Variants in ZFP37 observed in about 807,000 individuals in gnomAD.
ZFP37 encodes the protein zinc finger protein 37 homolog.
A neutral mutation model predicts 52.1 loss-of-function variants in ZFP37; 38 were observed. The ratio of observed to expected loss-of-function variants is 0.73; its 90% CI spans 0.56 to 0.96. The LOEUF (loss-of-function observed/expected upper bound fraction) is 0.96, where lower values mean the gene tolerates loss of function less well. ZFP37 is among the 40% of genes least tolerant of loss of function. The pLI is 0.00. For missense variants in ZFP37, 695 were observed against 741.4 expected (o/e 0.94, Z 0.73); for synonymous variants, 253 against 259.5 (o/e 0.98, Z 0.24).
At position 113,043,266 on chromosome 9, in the gene ZFP37, T is replaced by C; in HGVS notation, c.1352A>G (p.His451Arg). The C allele has an allele frequency of 6.2e-7, 1 of 1,613,978 alleles. No individual in the cohort carries two copies. The highest frequency in any genetic ancestry group is 8.5e-7 in the Non-Finnish European group (1 of 1,179,956). Residue 451 changes from histidine to arginine, a missense_variant, in exon 4 of 4, where the codon CAC becomes CGC. Physicochemically the swap from His to Arg is conservative, Grantham distance 29 (BLOSUM62 0). Around this residue, in one of 2 missense-constraint regions of ZFP37, gnomAD observed 326 missense variants for 400.5 expected, o/e 0.81. Transcript: ENST00000374227. ...TTTCTCACCTGTATGAATTCTCATG[T>C]GTTTAGTAAGGGATGAGCTATACTT... Reference protein sequence around the residue: ...AFKYSSSLTKHMRIHTGEKPF... With the variant: ...AFKYSSSLTKRMRIHTGEKPF...
chr9:113,052,333 T>C lies in ZFP37; in HGVS notation c.133-2461A>G, dbSNP rs566173629. Among the ~76,000 whole-genome samples the C allele has an allele frequency of 2.6e-5, 4 of 152,196 alleles. No individual in the cohort carries two copies. Among genetic ancestry groups the C allele is most frequent in the Non-Finnish European group, 5.9e-5 (4 of 68,028 alleles). ...TCTAAAGATGAGGTAAATGATTACT[T>C]TCAACAATTTCTCATTCTTCCTTCA... On this transcript the variant is annotated intron_variant, in intron 1 of 3. Coordinates refer to ENST00000374227, the MANE Select transcript of ZFP37 (RefSeq NM_003408.3). This position sits in a 1 kb window ranked among gnomAD's most constrained non-coding sequence, Gnocchi z 4.1.
At position 113,052,217 on chromosome 9, in the gene ZFP37, A is replaced by G. The variant is rs1168671307; in HGVS notation, c.133-2345T>C. Among the ~76,000 whole-genome samples, 1 of 152,160 alleles carries G rather than the reference A, an allele frequency of 6.6e-6. No individual in the cohort carries two copies. The highest frequency in any genetic ancestry group is 2.4e-5 in the African/African-American group (1 of 41,442). On this transcript the variant is annotated intron_variant, in intron 1 of 3. Transcript: ENST00000374227. This position sits in a 1 kb window ranked among gnomAD's most constrained non-coding sequence, Gnocchi z 4.1. The stretch of plus-strand genomic sequence containing the variant: ...TCACCTGAAATCTACCTGTCTCCTG[A>G]GGATCCTGCTTCCTTATAGGAGCCT...
intron 3 of ZFP37, among the ~76,000 whole-genome samples, chr9:113,044,575 T>G (rs1210344451): frequency 2.0e-5 from 3 of 152,044 alleles, no homozygotes; most frequent in Non-Finnish European, 2.9e-5. Context: ...TAAAAGAGCT[T>G]ATGATTGTAG....
intron 1 of ZFP37, among the ~76,000 whole-genome samples, chr9:113,055,156 C>T (rs1300914226): frequency 6.6e-6 from 1 of 152,156 alleles, no homozygotes; most frequent in Non-Finnish European, 1.5e-5. Flanking sequence ...TACTCCTACC[C>T]CAGGTCCTTT....
chr9:113,038,482 G>T lies in ZFP37; in HGVS notation c.*4243C>A, dbSNP rs759151458. 1.3e-5 allele frequency: 2 copies of T among 151,910 alleles called. No homozygotes were observed. The highest frequency in any genetic ancestry group is 2.9e-5 in the Non-Finnish European group (2 of 67,972). 9.4% of individuals were successfully genotyped at this position (151,910 alleles called of 1,614,324 possible). On this transcript the variant is annotated 3_prime_UTR_variant, in exon 4 of 4. Coordinates refer to ENST00000374227, the MANE Select transcript of ZFP37 (RefSeq NM_003408.3). ...TCTCTTTATTTCCTTTACTATGAAG[G>T]TTAAGAAATTAAAGATTTGGCCAAA...
rs1829024395 is a variant in ZFP37, at chr9:113,049,816, C to T, written c.189G>A (p.Glu63=). Residue 63 remains glutamate, a synonymous_variant, in exon 2 of 4, where the codon GAG becomes GAA. Transcript: ENST00000374227. ...QSNLYNDVML[E]NYCNQASMGC... is the part of the protein sequence containing the mutation. ...CCATTGAGGCTTGGTTGCAGTAGTT[C>T]TCCAGCATCACATCATTATACAGGT... 6.2e-7 allele frequency: 1 copy of T among 1,613,908 alleles called. No individual in the cohort carries two copies. Among genetic ancestry groups the T allele is most frequent in the African/African-American group, 1.3e-5 (1 of 74,926 alleles).
chr9:113,049,772 A>C lies in ZFP37; in HGVS notation c.214+19T>G. 6.2e-7 allele frequency: 1 copy of C among 1,610,436 alleles called. No homozygotes were observed. Among genetic ancestry groups the C allele is most frequent in the Non-Finnish European group, 8.5e-7 (1 of 1,178,446 alleles). On this transcript the variant is annotated intron_variant, in intron 2 of 3. Coordinates refer to ENST00000374227, the MANE Select transcript of ZFP37 (RefSeq NM_003408.3). ...TATCACAGTGGACACATTTTGAATTACAAAGGAATTGTTCTTACCCATTGA... is the reference window on the plus strand; with the variant it reads ...TATCACAGTGGACACATTTTGAATTCCAAAGGAATTGTTCTTACCCATTGA...
chr9:113,044,676 C>T (rs1828921178), intron 3 of ZFP37, among the ~76,000 whole-genome samples: 1 of 152,064 alleles, frequency 6.6e-6, no homozygotes, highest in Non-Finnish European at 1.5e-5. Flanking sequence ...GCAGCCTATA[C>T]TATATTACCC....
intron 3 of ZFP37, among the ~76,000 whole-genome samples, chr9:113,046,158 A>C (rs1390441250): frequency 6.7e-6 from 1 of 150,046 alleles, no homozygotes; most frequent in Non-Finnish European, 1.5e-5. Flanking sequence ...ATATAGACAG[A>C]TATATATCTA....
In ZFP37 at chr9:113,049,438, C is replaced by T. The variant is rs149489774; in HGVS notation, c.273G>A (p.Trp91Ter). The T allele has an allele frequency of 1.9e-6, 3 of 1,614,108 alleles. No individual in the cohort carries two copies. Among genetic ancestry groups the T allele is most frequent in the Non-Finnish European group, 8.5e-7 (1 of 1,179,988 alleles). Residue 91 changes from tryptophan (W) to a stop codon, truncating the protein, a stop_gained, in exon 3 of 4, where the codon TGG becomes TGA. Transcript: ENST00000374227. LOFTEE classifies it high-confidence loss of function. ...ISKLEKGEAP[W>*]LGKGKRPSQG... ...GACTGGGTCTTTTCCCCTTCCCCAA[C>T]CATGGTGCTTCTCCTTTTTCCAACT...
chr9:113,056,504 G>GC, intron 1 of ZFP37, 53 bp downstream of exon 1: 1 of 1,599,226 alleles, frequency 6.3e-7, no homozygotes, highest in Non-Finnish European at 8.5e-7. Flanking sequence ...TCACTGCCCC[G>GC]CAAGTACACC....
Position 113,044,032 on chromosome 9 carries a change from T to A in ZFP37, c.586A>T (p.Asn196Tyr), listed in dbSNP as rs140404965. 236 of 1,613,668 alleles carry A rather than the reference T, an allele frequency of 1.5e-4. No homozygotes were observed. The East Asian group carries it at 4.2e-3, about 29-fold the overall frequency. Residue 196 changes from asparagine (N) to tyrosine (Y), a missense_variant, in exon 4 of 4, where the codon AAC becomes TAC. Around this residue, in one of 2 missense-constraint regions of ZFP37, gnomAD observed 369 missense variants for 340.9 expected, o/e 1.08. Transcript: ENST00000374227. ...QNLDLPDHSR[N>Y]CVKRKSDAAK... ...GCATCAGATTTCCTTTTTACACAGTTTCTTGAGTGATCAGGTAAATCTAAA... is the reference window on the plus strand; with the variant it reads ...GCATCAGATTTCCTTTTTACACAGTATCTTGAGTGATCAGGTAAATCTAAA...
At chr9:113,051,199 T>TGTTA (rs755122242) in intron 1 of ZFP37, among the ~76,000 whole-genome samples, 28 of 152,262 alleles carry the variant, frequency 1.8e-4, no homozygotes, top group Non-Finnish European at 3.8e-4. Flanking sequence ...GATAATGTGC[T>TGTTA]TGTACAACTG....
At chr9:113,047,278 AG>A (rs1167882407) in intron 3 of ZFP37, among the ~76,000 whole-genome samples, 2 of 152,220 alleles carry the variant, frequency 1.3e-5, no homozygotes, top group Admixed American at 6.5e-5. Context: ...AACTCCATTG[AG>A]TCTCTTCATT....
At position 113,043,584 on chromosome 9, in the gene ZFP37, C is replaced by A. The variant is rs768318480; in HGVS notation, c.1034G>T (p.Gly345Val). The A allele has an allele frequency of 4.3e-6, 7 of 1,613,986 alleles. No individual in the cohort carries two copies. In the Admixed American group the frequency reaches 1.2e-4, roughly 27 times the overall value. ...HLVVHQRTHT[G>V]EKPYECIQCG... ...CTGAATACATTCATATGGTTTTTCT[C>A]CGGTGTGAGTTCTCTGATGTACAAC... The change falls in exon 4 of 4, where the codon GGA (glycine) becomes GTA (valine). Residue 345 changes from glycine to valine, a missense_variant. By Grantham distance (109) the Gly-to-Val change is moderately radical. Transcript: ENST00000374227.
chr9:113,048,052 T>C (rs745665852), intron 3 of ZFP37, among the ~76,000 whole-genome samples: 1 of 152,094 alleles, frequency 6.6e-6, no homozygotes, highest in Non-Finnish European at 1.5e-5. Context: ...AGTAAGTAAA[T>C]GATAAAGAAG....
In ZFP37 at chr9:113,040,913, C is replaced by T. The variant is rs1258053433; in HGVS notation, c.*1812G>A. On this transcript the variant is annotated 3_prime_UTR_variant, in exon 4 of 4. Coordinates refer to ENST00000374227, the MANE Select transcript of ZFP37 (RefSeq NM_003408.3). ...ACTTATGTCTCTGCTTTTAGTGTAA[C>T]AACTTAGATTTCAAAATAGTTCAGA... The T allele has an allele frequency of 6.6e-6, 1 of 152,084 alleles. No individual in the cohort carries two copies. The highest frequency in any genetic ancestry group is 1.5e-5 in the Non-Finnish European group (1 of 68,016). 9.4% of individuals were successfully genotyped at this position (152,084 alleles called of 1,614,324 possible).
chr9:113,040,069 T>C lies in ZFP37; in HGVS notation c.*2656A>G, dbSNP rs1828822680. On this transcript the variant is annotated 3_prime_UTR_variant, in exon 4 of 4. Coordinates refer to ENST00000374227, the MANE Select transcript of ZFP37 (RefSeq NM_003408.3). ...ATGCACACTAGAGTTTACGTATCGA[T>C]TCAGACTTACCACTGTGTGTCTGTT... The C allele has an allele frequency of 6.6e-6, 1 of 152,236 alleles. No homozygotes were observed. The highest frequency in any genetic ancestry group is 1.5e-5 in the Non-Finnish European group (1 of 68,034). The allele number at this position is 152,236 out of a possible 1,614,324, so 9.4% of individuals were successfully genotyped here.
chr9:113,050,468 C>CAAAAAAAAAAAAAAAAAAA (rs34498194), intron 1 of ZFP37, among the ~76,000 whole-genome samples: 2 of 121,636 alleles, frequency 1.6e-5, no homozygotes, highest in African/African-American at 3.0e-5. Context: ...GACAAATAGC[C>CAAAAAAAAAAAAAAAAAAA]AAAAAAAAAA....
Sources: gnomAD v4.1 joint callset for allele counts (sites outside exome capture counted in the v4.1 genomes callset) on GRCh38, gnomAD v4.1.1 for gene constraint, gnomAD v4.1.1 regional missense constraint, Gnocchi (gnomAD v3.1) non-coding constraint, MANE v1.5 for transcripts, NCBI Gene and HGNC (gene_info 2026-07-23, HGNC 2026-07-21) for gene names.